The following KBTBD12 variants were observed in gnomAD, a reference collection of about 807,000 sequenced individuals.
KBTBD12 encodes kelch repeat and BTB domain containing 12.
A neutral mutation model predicts 58.7 loss-of-function variants in KBTBD12; 53 were observed. That is an observed-to-expected ratio of 0.90 (90% CI 0.72 to 1.14). KBTBD12 has a LOEUF of 1.14. Among genes scored for constraint, KBTBD12 ranks in the 50% most tolerant of loss-of-function variants. KBTBD12 has a pLI of 0.00. For synonymous variants in KBTBD12, 236 were observed against 259.8 expected (o/e 0.91, Z 0.88); for missense variants, 704 against 751.3 (o/e 0.94, Z 0.74).
chr3:127,974,851 T>C (rs996681634), intron 5 of KBTBD12, among the ~76,000 whole-genome samples: 3 of 151,972 alleles, frequency 2.0e-5, no homozygotes, highest in Non-Finnish European at 4.4e-5. Context: ...TGGTGGCGGG[T>C]GCCTGTAGTC....
At chr3:127,963,471 C>T (rs1162955888) in intron 5 of KBTBD12, 85 bp downstream of exon 5, 1 of 1,257,028 alleles carries the variant, frequency 8.0e-7, no homozygotes, top group Non-Finnish European at 1.1e-6. Context: ...ACTAATATTC[C>T]TGAGAGCAAC....
intron 4 of KBTBD12, among the ~76,000 whole-genome samples, chr3:127,941,097 C>T (rs1254277029): frequency 1.3e-5 from 2 of 152,116 alleles, no homozygotes; most frequent in African/African-American, 2.4e-5. Context: ...TGGTTTCACT[C>T]GTGAATTTAA....
rs375717211 is a variant in KBTBD12 at position 127,923,919 on chromosome 3, A to T, written c.858A>T (p.Gly286=). 1 of 1,613,772 alleles carries T rather than the reference A, an allele frequency of 6.2e-7. No individual in the cohort carries two copies. Among genetic ancestry groups the T allele is most frequent in the African/African-American group, 1.3e-5 (1 of 74,914 alleles). The part of the protein sequence containing the change: ...LLLCIGNNSS[G]IRSRHRSYGD... ...TTTGCATTGGCAACAATTCTTCAGG[A>T]ATCAGATCAAGACATAGGAGCTATG... is the stretch of plus-strand genomic sequence containing the variant. Residue 286 remains glycine (G), a synonymous_variant, in exon 2 of 6, where the codon GGA becomes GGT. Coordinates refer to ENST00000405109, the MANE Select transcript of KBTBD12 (RefSeq NM_207335.4).
rs950684977 is a variant in KBTBD12 at position 127,915,804 on chromosome 3, C to T, written c.-113+218C>T. ...CCATCTCTGCCGTCTCCGACCTTCA[C>T]CGTCGGGTTGTTCAGGCTCGTAGTC... On this transcript the variant is annotated intron_variant, in intron 1 of 5. Coordinates refer to ENST00000405109, the MANE Select transcript of KBTBD12 (RefSeq NM_207335.4). Among the ~76,000 whole-genome samples the T allele has an allele frequency of 2.0e-5, 3 of 152,362 alleles. No homozygotes were observed. The East Asian group carries it at 5.8e-4, about 29-fold the overall frequency.
rs190391983 is a variant in KBTBD12, at chr3:127,963,397, A to T, written c.1690+11A>T. 6.8e-4 allele frequency: 1,068 copies of T among 1,580,004 alleles called. 3 individuals carry two copies. The highest frequency in any genetic ancestry group is 8.4e-4 in the Non-Finnish European group (977 of 1,162,008). ...GATTCCATGGAGCAGGTATGGGTCC[A>T]GTTTTAAACATTTTGTTACCTCCTT... On this transcript the variant is annotated intron_variant, in intron 5 of 5. Coordinates refer to ENST00000405109, the MANE Select transcript of KBTBD12 (RefSeq NM_207335.4).
intron 4 of KBTBD12, among the ~76,000 whole-genome samples, chr3:127,952,086 T>A (rs1281257281): frequency 1.3e-5 from 2 of 152,252 alleles, no homozygotes; most frequent in Non-Finnish European, 2.9e-5. Context: ...ATCACACTCT[T>A]CTTTGCCTTG....
chr3:127,932,610 C>T (rs1332533666), intron 4 of KBTBD12, among the ~76,000 whole-genome samples: 1 of 152,128 alleles, frequency 6.6e-6, no homozygotes, highest in Non-Finnish European at 1.5e-5. Flanking sequence ...ACCAGGAAGG[C>T]AGCATGGTAA....
intron 5 of KBTBD12, among the ~76,000 whole-genome samples, chr3:127,975,873 A>G (rs770665507): frequency 6.6e-6 from 1 of 152,240 alleles, no homozygotes; most frequent in Non-Finnish European, 1.5e-5. Flanking sequence ...CATTGACATT[A>G]CAGCGACCAT....
At chr3:127,926,012 C>A (rs1939559198) in intron 2 of KBTBD12, among the ~76,000 whole-genome samples, 1 of 152,162 alleles carries the variant, frequency 6.6e-6, no homozygotes, top group Admixed American at 6.5e-5. Context: ...TAGACTAGTA[C>A]TCTGGAAGAT....
chr3:127,953,753 A>G (rs1185981604), intron 4 of KBTBD12, among the ~76,000 whole-genome samples: 1 of 152,348 alleles, frequency 6.6e-6, no homozygotes, highest in East Asian at 1.9e-4. Context: ...CTGGAAATCT[A>G]TAAATTGCCT....
intron 4 of KBTBD12, among the ~76,000 whole-genome samples, chr3:127,932,768 ATATAAG>A (rs1277229447): frequency 2.0e-5 from 3 of 152,192 alleles, no homozygotes; most frequent in African/African-American, 4.8e-5. Context: ...TATTAAGATA[ATATAAG>A]TATAATTCCT....
Position 127,985,014 on chromosome 3 carries a change from T to C in KBTBD12, c.*736T>C, listed in dbSNP as rs2107619947. ...CCAAGGCACTCAAGCCAGACCACAG[T>C]GGCCAAGAATCCTGCCCTGGGCTGA... On this transcript the variant is annotated 3_prime_UTR_variant, in exon 6 of 6. Coordinates refer to ENST00000405109, the MANE Select transcript of KBTBD12 (RefSeq NM_207335.4). The C allele has an allele frequency of 6.6e-6, 1 of 152,482 alleles. No homozygotes were observed. The highest frequency in any genetic ancestry group is 2.1e-4 in the South Asian group (1 of 4,826). 9.4% of individuals were successfully genotyped at this position (152,482 alleles called of 1,614,324 possible). A position where few individuals can be genotyped will look rare whatever the true frequency, so the allele number is the denominator to read the frequency against.
rs779308578 is a variant in KBTBD12, at chr3:127,924,147, C to A, written c.1070+16C>A. The A allele has an allele frequency of 2.0e-6, 3 of 1,516,098 alleles. No homozygotes were observed. The highest frequency in any genetic ancestry group is 2.4e-5 in the South Asian group (2 of 83,776). The allele number at this position is 1,516,098 out of a possible 1,614,324, so 93.9% of individuals were successfully genotyped here. On this transcript the variant is annotated intron_variant, in intron 2 of 5. Transcript: ENST00000405109. ...AAATTTATAGGTTTGTATCTAGCAGCAAATTTGCTTAATTATTTTGTTTTG... is the reference window on the plus strand; with the variant it reads ...AAATTTATAGGTTTGTATCTAGCAGAAAATTTGCTTAATTATTTTGTTTTG...
At chr3:127,922,177 T>C (rs1939426156) in intron 1 of KBTBD12, among the ~76,000 whole-genome samples, 1 of 152,150 alleles carries the variant, frequency 6.6e-6, no homozygotes, top group Admixed American at 6.5e-5. Flanking sequence ...AAATTTAGAC[T>C]AATGCTTTTT....
chr3:127,956,855 T>C (rs1940330788), intron 4 of KBTBD12, among the ~76,000 whole-genome samples: 1 of 152,246 alleles, frequency 6.6e-6, no homozygotes, highest in Non-Finnish European at 1.5e-5. Context: ...AGGCATGTCT[T>C]TGTGCAGCTT....
At chr3:127,952,827 A>G (rs1480326241) in intron 4 of KBTBD12, among the ~76,000 whole-genome samples, 1 of 152,232 alleles carries the variant, frequency 6.6e-6, no homozygotes, top group Non-Finnish European at 1.5e-5. Context: ...AATCGGAATC[A>G]TTTGGTTAAT....
intron 4 of KBTBD12, among the ~76,000 whole-genome samples, chr3:127,962,419 A>T (rs17341691): frequency 2.0e-5 from 3 of 152,224 alleles, no homozygotes. Context: ...TCCTTGTTAC[A>T]GTCCCTGGAC....
intron 2 of KBTBD12, among the ~76,000 whole-genome samples, chr3:127,924,717 A>T (rs73860759): frequency 0.057 from 8,599 of 152,144 alleles, 276 homozygotes; most frequent in East Asian, 0.097. Context: ...TATGTCCTTA[A>T]TTTGTGGATT....
intron 4 of KBTBD12, among the ~76,000 whole-genome samples, chr3:127,935,234 G>T (rs1458336860): frequency 6.6e-6 from 1 of 152,030 alleles, no homozygotes; most frequent in Non-Finnish European, 1.5e-5. Flanking sequence ...TTAAGTTGGG[G>T]ACCATCTGTA....
Sources: gnomAD v4.1 joint callset for allele counts (sites outside exome capture counted in the v4.1 genomes callset) on GRCh38, gnomAD v4.1.1 for gene constraint, MANE v1.5 for transcripts, NCBI Gene and HGNC (gene_info 2026-07-23, HGNC 2026-07-21) for gene names.